Variants in AMPD3 observed in about 807,000 individuals in gnomAD.
AMPD3 encodes the protein adenosine monophosphate deaminase 3, also known as AMP deaminase 3.
Under a neutral mutation model 82.3 loss-of-function variants are expected in AMPD3, and 57 were observed. That is an observed-to-expected ratio of 0.69 (90% CI 0.56 to 0.86). The LOEUF is 0.86. Among genes scored for constraint, AMPD3 ranks in the 40% least tolerant of loss-of-function variants. The pLI, the probability that AMPD3 is intolerant of heterozygous loss-of-function variation, is 0.00. For missense variants in AMPD3, 870 were observed against 1,003.8 expected, an observed-to-expected ratio of 0.87 and a Z score of 1.80; for synonymous variants, 381 against 394.7, an observed-to-expected ratio of 0.97 and a Z score of 0.41.
intron 14 of AMPD3, 36 bp from the exon 15 acceptor site, chr11:10,505,671 AG>A: frequency 1.2e-6 from 2 of 1,608,562 alleles, no homozygotes; most frequent in Non-Finnish European, 1.7e-6. Context: ...GTGAATCAAA[AG>A]TATATAGTTT....
At chr11:10,487,122 C>G (rs1313348727) in intron 5 of AMPD3, 113 bp from the exon 6 acceptor site, 3 of 1,583,568 alleles carry the variant, frequency 1.9e-6, no homozygotes, top group African/African-American at 1.3e-5. Flanking sequence ...TCATTCCGCC[C>G]TGCTCCGTCC....
intron 9 of AMPD3, among the ~76,000 whole-genome samples, 183 bp downstream of exon 9, chr11:10,495,916 CTTTT>C (rs35114038): frequency 7.5e-6 from 1 of 133,166 alleles, no homozygotes. Context: ...CACTAGAGCT[CTTTT>C]TTTTTTTTTT....
chr11:10,506,032 C>T lies in AMPD3; in HGVS notation c.*148C>T. 1 of 839,774 alleles carries T rather than the reference C, an allele frequency of 1.2e-6. No homozygotes were observed. The highest frequency in any genetic ancestry group is 2.0e-6 in the Non-Finnish European group (1 of 510,240). 52.0% of individuals were successfully genotyped at this position (839,774 alleles called of 1,614,324 possible). On this transcript the variant is annotated 3_prime_UTR_variant, in exon 15 of 15. Coordinates refer to ENST00000396553, the MANE Select transcript of AMPD3 (RefSeq NM_001025389.2). The surrounding 1 kb of genome is among the most constrained non-coding windows in gnomAD (Gnocchi z 4.1). ...AACTGGTGATTTTGGTTGCACTGCT[C>T]ACTTTAAGAGTTAACATGCTCACTT...
At chr11:10,468,488 G>A (rs931732649) in intron 2 of AMPD3, among the ~76,000 whole-genome samples, 5 of 152,162 alleles carry the variant, frequency 3.3e-5, no homozygotes, top group Admixed American at 2.6e-4. Context: ...AAATATATAT[G>A]CACCCAACAC....
chr11:10,450,786 C>T (rs1847939850), upstream of AMPD3: 2 of 1,172,010 alleles, frequency 1.7e-6, no homozygotes, highest in Non-Finnish European at 2.1e-6. Context: ...ACGGGGGCTG[C>T]ACGCGGCTGG....
At chr11:10,452,015 A>T (rs1201227758), upstream of AMPD3, among the ~76,000 whole-genome samples, 1 of 152,042 alleles carries the variant, frequency 6.6e-6, no homozygotes, top group Non-Finnish European at 1.5e-5. Flanking sequence ...TGCTCTGAGG[A>T]TGATGGTATG....
chr11:10,492,310 C>T (rs1402958987), intron 6 of AMPD3, among the ~76,000 whole-genome samples: 2 of 152,210 alleles, frequency 1.3e-5, no homozygotes, highest in Non-Finnish European at 2.9e-5. Flanking sequence ...AGCTTGAGTC[C>T]ATATGTTGGC....
rs961452462 is a variant in AMPD3, at chr11:10,496,394, C to T, written c.1431-418C>T. The T allele has an allele frequency of 8.1e-6, 8 of 985,310 alleles. No homozygotes were observed. In the African/African-American group the frequency reaches 1.2e-4, roughly 15 times the overall value. 61.0% of individuals were successfully genotyped at this position (985,310 alleles called of 1,614,324 possible). ...CTCTCCCTGGATGTCACTCAGACGG[C>T]TGCTGTCCTCTCCAGGCGGCTGGCC... is the stretch of plus-strand genomic sequence containing the variant. On this transcript the variant is annotated intron_variant, in intron 9 of 14. Transcript: ENST00000396553.
intron 4 of AMPD3, chr11:10,484,395 G>A (rs16907858): frequency 0.046 from 45,079 of 985,250 alleles, 1,695 homozygotes; most frequent in South Asian, 0.23. Context: ...GGGCAGTCCA[G>A]GTGCAATCTG....
intron 2 of AMPD3, among the ~76,000 whole-genome samples, chr11:10,472,101 A>G (rs1388752698): frequency 6.6e-6 from 1 of 152,232 alleles, no homozygotes; most frequent in Non-Finnish European, 1.5e-5. Flanking sequence ...ACACCATGGA[A>G]TACTATGCAG....
In AMPD3 at chr11:10,504,596, G is replaced by A; in HGVS notation, c.2064G>A (p.Leu688=). The A allele has an allele frequency of 1.2e-6, 2 of 1,614,218 alleles. No homozygotes were observed. Among genetic ancestry groups the A allele is most frequent in the Non-Finnish European group, 1.7e-6 (2 of 1,180,026 alleles). ...CCATTGCAGCTCAAGTGTGGAAGCTGAGCACCTGCGACCTGTGTGAGATCG... is the reference window on the plus strand; with the variant it reads ...CCATTGCAGCTCAAGTGTGGAAGCTAAGCACCTGCGACCTGTGTGAGATCG... ...EYAIAAQVWK[L]STCDLCEIAR... Residue 688 remains leucine (L), a synonymous_variant, in exon 14 of 15, where the codon CTG becomes CTA. Coordinates refer to ENST00000396553, the MANE Select transcript of AMPD3 (RefSeq NM_001025389.2).
intron 1 of AMPD3, 107 bp from the exon 2 acceptor site, chr11:10,461,408 C>A: frequency 1.9e-6 from 3 of 1,603,026 alleles, no homozygotes; most frequent in Non-Finnish European, 2.5e-6. Context: ...AAGTAGACAG[C>A]TGACCCCAAG....
chr11:10,472,372 C>T (rs986428833), intron 2 of AMPD3, among the ~76,000 whole-genome samples: 6 of 151,940 alleles, frequency 3.9e-5, no homozygotes, highest in African/African-American at 1.5e-4. Flanking sequence ...CAGCAAACCA[C>T]CATGGCATGT....
chr11:10,456,139 T>G lies in AMPD3; in HGVS notation c.-6+691T>G. 1 of 1,368,300 alleles carries G rather than the reference T, an allele frequency of 7.3e-7. No individual in the cohort carries two copies. Among genetic ancestry groups the G allele is most frequent in the Non-Finnish European group, 9.4e-7 (1 of 1,061,220 alleles). The allele number at this position is 1,368,300 out of a possible 1,614,324, so 84.8% of individuals were successfully genotyped here. ...CCATTTTGTTTTGGATAACTGGGAT[T>G]ACCTGGGGACTTCAGGGCTCTTGGA... is the stretch of plus-strand genomic sequence containing the variant. On this transcript the variant is annotated intron_variant, in intron 1 of 14. Coordinates refer to ENST00000396553, the MANE Select transcript of AMPD3 (RefSeq NM_001025389.2). This position sits in a 1 kb window ranked among gnomAD's most constrained non-coding sequence, Gnocchi z 4.3.
intron 6 of AMPD3, chr11:10,490,544 G>T: frequency 1.0e-6 from 1 of 985,416 alleles, no homozygotes; most frequent in Non-Finnish European, 1.2e-6. Context: ...AATGCACTTG[G>T]ATCCTCTGGT....
At chr11:10,471,955 C>A (rs1367959918) in intron 2 of AMPD3, among the ~76,000 whole-genome samples, 1 of 152,086 alleles carries the variant, frequency 6.6e-6, no homozygotes, top group Non-Finnish European at 1.5e-5. Flanking sequence ...GGGTATATAC[C>A]CAAAGGATTA....
upstream of AMPD3, chr11:10,455,235 G>T (rs1848058555): frequency 1.0e-6 from 1 of 985,306 alleles, no homozygotes; most frequent in African/African-American, 1.7e-5. Context: ...AAGTCACTGG[G>T]AGGCTATGTG....
chr11:10,473,182 A>G (rs1241107750), intron 2 of AMPD3, among the ~76,000 whole-genome samples: 1 of 152,168 alleles, frequency 6.6e-6, no homozygotes, highest in African/African-American at 2.4e-5. Flanking sequence ...AGGCACGAGA[A>G]TTGCTTGAAC....
At chr11:10,461,111 A>G in intron 1 of AMPD3, 1 of 1,184,622 alleles carries the variant, frequency 8.4e-7, no homozygotes, top group South Asian at 1.6e-5. Context: ...GTGAGGTTTG[A>G]TTATTGTTGC....
Sources: gnomAD v4.1 joint callset for allele counts (sites outside exome capture counted in the v4.1 genomes callset) on GRCh38, gnomAD v4.1.1 for gene constraint, Gnocchi (gnomAD v3.1) non-coding constraint, MANE v1.5 for transcripts, NCBI Gene and HGNC (gene_info 2026-07-23, HGNC 2026-07-21) for gene names.